ADCY6: variants seen among roughly 807,000 people sequenced by gnomAD.
ADCY6 encodes adenylate cyclase 6, also known as adenylate cyclase type 6.
In ADCY6, 59 loss-of-function variants were observed where a neutral mutation model predicts 111.6. The observed-to-expected ratio is 0.53, with a 90% CI of 0.43 to 0.66. ADCY6 has a LOEUF of 0.66. ADCY6 is among the 30% of genes least tolerant of loss of function. ADCY6 has a pLI of 0.00. For missense variants in ADCY6, 1,242 were observed against 1,595.6 expected (o/e 0.78, Z 3.78); for synonymous variants, 576 against 642.9 (o/e 0.90, Z 1.57).
chr12:48,775,970 C>A lies in ADCY6; in HGVS notation c.1799G>T (p.Arg600Leu). 6.2e-7 allele frequency: 1 copy of A among 1,602,702 alleles called. No homozygotes were observed. The part of the protein sequence containing the change: ...FSRTKDSKAF[R>L]QMGIDDSSKD... Reference sequence around the variant, plus strand: ...GTGCTGAGGGCCCCTCACCATCTGGCGGAAGGCCTTGGAGTCCTTGGTCCG... The same window carrying A: ...GTGCTGAGGGCCCCTCACCATCTGGAGGAAGGCCTTGGAGTCCTTGGTCCG... Residue 600 changes from arginine (R) to leucine (L), a missense_variant, in exon 9 of 22, where the codon CGC becomes CTC. Transcript: ENST00000357869.
In ADCY6 at chr12:48,774,778, G is replaced by A. The variant is rs140637221; in HGVS notation, c.2079C>T (p.His693=). 9 of 1,613,862 alleles carry A rather than the reference G, an allele frequency of 5.6e-6. No homozygotes were observed. In the African/African-American group the frequency reaches 1.1e-4, roughly 19 times the overall value. Residue 693 remains histidine (H), a splice_region_variant and synonymous_variant, in exon 13 of 22, where the codon CAC becomes CAT. Coordinates refer to ENST00000357869, the MANE Select transcript of ADCY6 (RefSeq NM_015270.5). ...ICFIQLLIFP[H]STLMLGIYAS... ...CATAGATCCCAAGCATCAGGGTGGA[G>A]CTGGGGCAGAACAGGGCCAGAAAAA...
In ADCY6 at chr12:48,777,609, C is replaced by T. The variant is rs2137366270; in HGVS notation, c.1136+6G>A. On this transcript the variant is annotated splice_donor_region_variant and intron_variant, in intron 4 of 21. Coordinates refer to ENST00000357869, the MANE Select transcript of ADCY6 (RefSeq NM_015270.5). The surrounding 1 kb of genome is among the most constrained non-coding windows in gnomAD (Gnocchi z 4.9). ...CCTGCTGGGCATCCTCCTACCCTCA[C>T]CCTACCTGACATTGTCATGCTTCTG... The T allele has an allele frequency of 1.2e-6, 2 of 1,613,344 alleles. No individual in the cohort carries two copies. The highest frequency in any genetic ancestry group is 1.7e-6 in the Non-Finnish European group (2 of 1,180,034).
At chr12:48,783,587 G>A (rs1236974153) in intron 1 of ADCY6, 149 bp from the exon 2 acceptor site, 7 of 1,471,880 alleles carry the variant, frequency 4.8e-6, no homozygotes, top group Non-Finnish European at 5.4e-6. Flanking sequence ...AAATTACTTG[G>A]AGGTAGGCAA....
Position 48,777,466 on chromosome 12 carries a change from G to A in ADCY6, c.1192C>T (p.Gln398Ter). The A allele has an allele frequency of 2.5e-6, 4 of 1,613,250 alleles. No individual in the cohort carries two copies. Among genetic ancestry groups the A allele is most frequent in the Non-Finnish European group, 3.4e-6 (4 of 1,180,032 alleles). Residue 398 changes from glutamine to a stop codon, truncating the protein, a stop_gained, in exon 5 of 22, where the codon CAG becomes TAG. Transcript: ENST00000357869. LOFTEE classifies it high-confidence loss of function. The surrounding 1 kb of genome is among the most constrained non-coding windows in gnomAD (Gnocchi z 4.9). ...TCATTCAGGGTCATGACCAGCTCCTGCGCAGTGCACTGGGATGCCAGGCTG... is the reference window on the plus strand; with the variant it reads ...TCATTCAGGGTCATGACCAGCTCCTACGCAGTGCACTGGGATGCCAGGCTG... ...FTSLASQCTAQELVMTLNELF... is the reference protein window; with the variant it reads ...FTSLASQCTA
At position 48,769,063 on chromosome 12, in the gene ADCY6, T is replaced by C. The variant is rs1390066140; in HGVS notation, c.3257-2A>G. 6.2e-7 allele frequency: 1 copy of C among 1,609,192 alleles called. No individual in the cohort carries two copies. Among genetic ancestry groups the C allele is most frequent in the Admixed American group, 1.7e-5 (1 of 59,518 alleles). On this transcript the variant is annotated splice_acceptor_variant, in intron 20 of 21. Coordinates refer to ENST00000357869, the MANE Select transcript of ADCY6 (RefSeq NM_015270.5). LOFTEE classifies it high-confidence loss of function. Reference sequence around the variant, plus strand: ...CCACGACTGGGCCCATGTTCAGCCCTGAGGTGGAGAGAACAGCAAGAGACT... The same window carrying C: ...CCACGACTGGGCCCATGTTCAGCCCCGAGGTGGAGAGAACAGCAAGAGACT...
At chr12:48,775,550 G>A in intron 10 of ADCY6, 100 bp from the exon 11 acceptor site, 15 of 1,582,392 alleles carry the variant, frequency 9.5e-6, no homozygotes, top group Non-Finnish European at 1.3e-5. Flanking sequence ...GGGAGGGAGA[G>A]CCAGGGGGGT....
Position 48,783,271 on chromosome 12 carries a change from G to A in ADCY6, c.164C>T (p.Pro55Leu). 6.2e-7 allele frequency: 1 copy of A among 1,611,798 alleles called. No homozygotes were observed. Among genetic ancestry groups the A allele is most frequent in the Non-Finnish European group, 8.5e-7 (1 of 1,179,446 alleles). ...GCACCGAGGGGGGCCCGCAGGGGTGGGGCTGGGTGGCTCTGCATCCCGGAG... is the reference window on the plus strand; with the variant it reads ...GCACCGAGGGGGGCCCGCAGGGGTGAGGCTGGGTGGCTCTGCATCCCGGAG... Reference protein sequence around the residue: ...SCLRDAEPPSPTPAGPPRCPW... With the variant: ...SCLRDAEPPSLTPAGPPRCPW... Residue 55 changes from proline to leucine, a missense_variant, in exon 2 of 22, where the codon CCC becomes CTC. Physicochemically the swap from Pro to Leu is moderately conservative, Grantham distance 98. Transcript: ENST00000357869.
In ADCY6 at chr12:48,766,498, C is replaced by T. The variant is rs536169838; in HGVS notation, c.*2093G>A. The T allele has an allele frequency of 6.5e-6, 1 of 152,684 alleles. No individual in the cohort carries two copies. The highest frequency in any genetic ancestry group is 1.5e-5 in the Non-Finnish European group (1 of 68,078). The allele number at this position is 152,684 out of a possible 1,614,324, so 9.5% of individuals were successfully genotyped here. ...ACTCTGATCTACTTATACCCTCACC[C>T]CTACCCCATGGCACCAAGTAGTCTC... On this transcript the variant is annotated 3_prime_UTR_variant, in exon 22 of 22. Coordinates refer to ENST00000357869, the MANE Select transcript of ADCY6 (RefSeq NM_015270.5).
chr12:48,775,823 C>T, intron 9 of ADCY6, 125 bp from the exon 10 acceptor site: 1 of 1,510,166 alleles, frequency 6.6e-7, no homozygotes, highest in African/African-American at 1.4e-5. Flanking sequence ...GCACTGGGAC[C>T]CGAGATGAAA....
rs1328457435 is a variant in ADCY6, at chr12:48,783,182, G to A, written c.253C>T (p.Arg85Trp). 8 of 1,606,566 alleles carry A rather than the reference G, an allele frequency of 5.0e-6. No homozygotes were observed. The highest frequency in any genetic ancestry group is 5.9e-6 in the Non-Finnish European group (7 of 1,179,650). The change falls in exon 2 of 22, where the codon CGG becomes TGG. Residue 85 changes from arginine (R) to tryptophan (W), a missense_variant. Coordinates refer to ENST00000357869, the MANE Select transcript of ADCY6 (RefSeq NM_015270.5). ...GPGKGKELGLRAVALGFEDTE... is the reference protein window; with the variant it reads ...GPGKGKELGLWAVALGFEDTE... Reference sequence around the variant, plus strand: ...TCCTCGAAGCCCAGGGCCACTGCCCGCAGCCCCAGCTCCTTGCCCTTGCCT... The same window carrying A: ...TCCTCGAAGCCCAGGGCCACTGCCCACAGCCCCAGCTCCTTGCCCTTGCCT...
At chr12:48,783,772 G>A (rs940793258) in intron 1 of ADCY6, 11 of 306,652 alleles carry the variant, frequency 3.6e-5, no homozygotes, top group African/African-American at 2.5e-4. Context: ...GCAAGACCCT[G>A]CCTCTATTAA....
chr12:48,771,919 G>A lies in ADCY6; in HGVS notation c.2842C>T (p.Leu948=). ...ACGTCCTTGGGCAGAATGTTATGCA[G>A]CAGCCTCCGGTTGTATGCCTGTAGC... ...EELQAYNRRL[L]HNILPKDVAA... Residue 948 remains leucine (L), a synonymous_variant, in exon 19 of 22, where the codon CTG becomes TTG. Transcript: ENST00000357869. This position sits in a 1 kb window ranked among gnomAD's most constrained non-coding sequence, Gnocchi z 4.3. 1 of 1,614,156 alleles carries A rather than the reference G, an allele frequency of 6.2e-7. No individual in the cohort carries two copies. Among genetic ancestry groups the A allele is most frequent in the Non-Finnish European group, 8.5e-7 (1 of 1,180,020 alleles).
intron 1 of ADCY6, among the ~76,000 whole-genome samples, chr12:48,788,208 G>A (rs544538025): frequency 6.6e-6 from 1 of 152,164 alleles, no homozygotes; most frequent in Admixed American, 6.5e-5. Context: ...CCCATCCCCA[G>A]TCCTCACTCT....
At chr12:48,780,590 G>A (rs1441840298) in intron 2 of ADCY6, among the ~76,000 whole-genome samples, 1 of 152,180 alleles carries the variant, frequency 6.6e-6, no homozygotes, top group Non-Finnish European at 1.5e-5. Flanking sequence ...GACGGGCACA[G>A]TCCTGGCCTC....
intron 10 of ADCY6, 90 bp downstream of exon 10, chr12:48,775,583 T>C: frequency 6.3e-7 from 1 of 1,582,530 alleles, no homozygotes; most frequent in South Asian, 1.1e-5. Flanking sequence ...CACACAACAC[T>C]CCTAAGGTCA....
chr12:48,785,245 G>A (rs1224967370), intron 1 of ADCY6, among the ~76,000 whole-genome samples: 1 of 152,198 alleles, frequency 6.6e-6, no homozygotes, highest in Non-Finnish European at 1.5e-5. Flanking sequence ...TCTCCTGACT[G>A]GAATGTCAGC....
In ADCY6 at chr12:48,777,613, A is replaced by C. The variant is rs1941738919; in HGVS notation, c.1136+2T>G. ...CTGGGCATCCTCCTACCCTCACCCT[A>C]CCTGACATTGTCATGCTTCTGTATG... is the stretch of plus-strand genomic sequence containing the variant. On this transcript the variant is annotated splice_donor_variant, in intron 4 of 21. Transcript: ENST00000357869. LOFTEE classifies it high-confidence loss of function. This position sits in a 1 kb window ranked among gnomAD's most constrained non-coding sequence, Gnocchi z 4.9. The C allele has an allele frequency of 3.7e-6, 6 of 1,612,980 alleles. No individual in the cohort carries two copies. Among genetic ancestry groups the C allele is most frequent in the Non-Finnish European group, 4.2e-6 (5 of 1,179,962 alleles).
In ADCY6 at chr12:48,777,812, G is replaced by A. The variant is rs1191179074; in HGVS notation, c.1015-76C>T. On this transcript the variant is annotated intron_variant, in intron 3 of 21. Transcript: ENST00000357869. The surrounding 1 kb of genome is among the most constrained non-coding windows in gnomAD (Gnocchi z 4.9). ...CAATCCCTCCTGGTCTCTCCACATC[G>A]CCAGAGCCCTCCTAGACTTCTCTGA... 17 of 1,578,060 alleles carry A rather than the reference G, an allele frequency of 1.1e-5. No individual in the cohort carries two copies. Among genetic ancestry groups the A allele is most frequent in the Non-Finnish European group, 1.5e-5 (17 of 1,162,178 alleles).
In ADCY6 at chr12:48,768,698, G is replaced by C. The variant is rs754351194; in HGVS notation, c.3400C>G (p.Gln1134Glu). 7 of 1,614,118 alleles carry C rather than the reference G, an allele frequency of 4.3e-6. No homozygotes were observed. Among genetic ancestry groups the C allele is most frequent in the South Asian group, 1.1e-5 (1 of 91,082 alleles). The change falls in exon 22 of 22, where the codon CAG becomes GAG. Residue 1134 changes from glutamine to glutamate, a missense_variant. By Grantham distance (29) the Gln-to-Glu change is conservative. Transcript: ENST00000357869. The stretch of plus-strand genomic sequence containing the variant: ...TGGTAGCCCTTGGCAGCTAGAACCT[G>C]GTACAGGTCCGTGGTCACCTGGGGG... ...DRIQVTTDLY[Q>E]VLAAKGYQLE...
Sources: allele counts gnomAD v4.1 joint callset (sites outside exome capture counted in the v4.1 genomes callset), GRCh38; gene constraint gnomAD v4.1.1; non-coding constraint Gnocchi (gnomAD v3.1); transcripts MANE v1.5; gene names NCBI Gene and HGNC (gene_info 2026-07-23, HGNC 2026-07-21).